The following RREB1 variants were observed in gnomAD, a reference collection of about 807,000 sequenced individuals.
RREB1 encodes ras responsive element binding protein 1.
In RREB1, 27 loss-of-function variants were observed where a neutral mutation model predicts 117.8. The observed-to-expected ratio is 0.23, with a 90% CI of 0.17 to 0.32. The LOEUF (loss-of-function observed/expected upper bound fraction) is 0.32, where lower values mean the gene tolerates loss of function less well. Among genes scored for constraint, RREB1 ranks in the 10% least tolerant of loss-of-function variants. RREB1 has a pLI of 1.00. For synonymous variants in RREB1, 1,298 were observed against 1,026.7 expected, an observed-to-expected ratio of 1.26 and a Z score of -5.05; for missense variants, 2,577 against 2,378.2, an observed-to-expected ratio of 1.08 and a Z score of -1.74.
At chr6:7,131,248 A>G (rs1447869574) in intron 1 of RREB1, among the ~76,000 whole-genome samples, 1 of 152,040 alleles carries the variant, frequency 6.6e-6, no homozygotes, top group African/African-American at 2.4e-5. Context: ...TAAGAAGCAA[A>G]TATGTACCAT....
At chr6:7,175,551 C>T (rs1325456055) in intron 1 of RREB1, among the ~76,000 whole-genome samples, 4 of 152,178 alleles carry the variant, frequency 2.6e-5, no homozygotes, top group South Asian at 2.1e-4. Context: ...AGTTGTTTCT[C>T]GCCCGGTGTT....
At chr6:7,126,214 C>G (rs953554084) in intron 1 of RREB1, among the ~76,000 whole-genome samples, 1 of 152,138 alleles carries the variant, frequency 6.6e-6, no homozygotes, top group Non-Finnish European at 1.5e-5. Flanking sequence ...GTTGGTCAGG[C>G]TGGCCTTGAA....
chr6:7,192,269 G>C (rs1478280745), intron 6 of RREB1, among the ~76,000 whole-genome samples: 4 of 151,364 alleles, frequency 2.6e-5, no homozygotes, highest in Admixed American at 2.6e-4. Context: ...CTCGGCTCAC[G>C]GCAACCTGCG....
chr6:7,204,942 C>T (rs565190712), intron 6 of RREB1, among the ~76,000 whole-genome samples: 1 of 152,206 alleles, frequency 6.6e-6, no homozygotes, highest in African/African-American at 2.4e-5. Flanking sequence ...GATTTTGCCC[C>T]CAAAAGAATT....
intron 9 of RREB1, among the ~76,000 whole-genome samples, chr6:7,227,843 A>T (rs1331187900): frequency 6.6e-6 from 1 of 152,184 alleles, no homozygotes; most frequent in Non-Finnish European, 1.5e-5. Flanking sequence ...AGGCAAGTGG[A>T]ACACTTGAGG....
chr6:7,117,513 C>T (rs942173463), intron 1 of RREB1, among the ~76,000 whole-genome samples: 7 of 146,200 alleles, frequency 4.8e-5, no homozygotes, highest in South Asian at 4.5e-4. Context: ...CAGGTTCAAG[C>T]GATTCTCTTA....
At chr6:7,193,247 C>G (rs778203839) in intron 6 of RREB1, among the ~76,000 whole-genome samples, 1 of 152,186 alleles carries the variant, frequency 6.6e-6, no homozygotes, top group Non-Finnish European at 1.5e-5. Context: ...GTTTTATCAC[C>G]TAACATATGG....
intron 1 of RREB1, among the ~76,000 whole-genome samples, chr6:7,164,625 C>T (rs905737470): frequency 1.3e-5 from 2 of 152,144 alleles, no homozygotes. Context: ...TTGATTGATG[C>T]ACAAAAGAGT....
At chr6:7,180,762 T>A (rs1440912561) in intron 2 of RREB1, among the ~76,000 whole-genome samples, 1 of 152,218 alleles carries the variant, frequency 6.6e-6, no homozygotes, top group Non-Finnish European at 1.5e-5. Context: ...TTGGTCACTT[T>A]TAGATAAAGG....
chr6:7,110,807 G>T (rs1273259405), intron 1 of RREB1, among the ~76,000 whole-genome samples: 2 of 152,164 alleles, frequency 1.3e-5, no homozygotes. Flanking sequence ...GGATTTGCTG[G>T]ATGTGTAATA....
At chr6:7,187,611 GA>G (rs1408109702) in intron 5 of RREB1, 88 bp downstream of exon 5, 2 of 579,738 alleles carry the variant, frequency 3.4e-6, no homozygotes, top group African/African-American at 1.9e-5. Flanking sequence ...GTAATGAGAA[GA>G]GGGGGAAGAG....
chr6:7,149,863 AT>A (rs1561746014), intron 1 of RREB1, among the ~76,000 whole-genome samples: 1 of 151,860 alleles, frequency 6.6e-6, no homozygotes, highest in Admixed American at 6.6e-5. Flanking sequence ...TAATTTTTGT[AT>A]TTTTAGTAGA....
At chr6:7,181,570 T>G (rs1303728057) in intron 3 of RREB1, 1 of 541,416 alleles carries the variant, frequency 1.8e-6, no homozygotes, top group Non-Finnish European at 3.2e-6. Flanking sequence ...TGGCTTGGCC[T>G]TTCCCACTCT....
intron 4 of RREB1, among the ~76,000 whole-genome samples, chr6:7,186,894 C>A (rs769253562): frequency 2.4e-4 from 36 of 152,182 alleles, no homozygotes; most frequent in Non-Finnish European, 4.0e-4. Context: ...TAAGCAGATG[C>A]TAGCAGTGGG....
Position 7,248,887 on chromosome 6 carries a change from G to A in RREB1, c.5148G>A (p.Leu1716=). ...GCCCGGCGGCCCTGGGGCAGGACCT[G>A]CTGGAGCCGCGCAGCAAGAGGCCTG... ...PESPAALGQD[L]LEPRSKRPAH... is the part of the protein sequence containing the mutation. Residue 1716 remains leucine (L), a synonymous_variant, in exon 13 of 13, where the codon CTG becomes CTA. Transcript: ENST00000379938. 6.3e-7 allele frequency: 1 copy of A among 1,578,782 alleles called. No individual in the cohort carries two copies. The highest frequency in any genetic ancestry group is 8.6e-7 in the Non-Finnish European group (1 of 1,163,700).
intron 6 of RREB1, among the ~76,000 whole-genome samples, chr6:7,204,284 T>C (rs1766150318): frequency 6.6e-6 from 1 of 152,148 alleles, no homozygotes; most frequent in Admixed American, 6.5e-5. Flanking sequence ...AATTGCTCAG[T>C]TGCCGCCTTG....
At chr6:7,115,185 C>T (rs1761337102) in intron 1 of RREB1, among the ~76,000 whole-genome samples, 1 of 152,056 alleles carries the variant, frequency 6.6e-6, no homozygotes, top group Non-Finnish European at 1.5e-5. Flanking sequence ...GGATGGCTGC[C>T]AGCTGCTGTG....
At position 7,231,564 on chromosome 6, in the gene RREB1, G is replaced by A. The variant is rs1326298387; in HGVS notation, c.3465G>A (p.Arg1155=). 1.2e-6 allele frequency: 2 copies of A among 1,610,884 alleles called. No individual in the cohort carries two copies. Among genetic ancestry groups the A allele is most frequent in the African/African-American group, 2.7e-5 (2 of 74,828 alleles). Residue 1155 remains arginine (R), a synonymous_variant, in exon 10 of 13, where the codon CGG becomes CGA. Transcript: ENST00000379938. ...GPAGTSKKRG[R]KRGMRSRPRA... ...CGGGCACGTCGAAGAAGAGGGGCCG[G>A]AAAAGGGGGATGAGGAGCCGACCCC...
In RREB1 at chr6:7,204,826, T is replaced by C. The variant is rs192225693; in HGVS notation, c.426-5978T>C. Among the ~76,000 whole-genome samples the C allele has an allele frequency of 7.2e-5, 11 of 152,282 alleles. No homozygotes were observed. In the East Asian group the frequency reaches 2.1e-3, roughly 29 times the overall value. The stretch of plus-strand genomic sequence containing the variant: ...TGAGGTTTAACCTTCACATGCAAAT[T>C]ACATACGGGGAGCTTGAAGAATGTC... On this transcript the variant is annotated intron_variant, in intron 6 of 12. Transcript: ENST00000379938.
Sources: allele counts gnomAD v4.1 joint callset (sites outside exome capture counted in the v4.1 genomes callset), GRCh38; gene constraint gnomAD v4.1.1; transcripts MANE v1.5; gene names NCBI Gene and HGNC (gene_info 2026-07-23, HGNC 2026-07-21).